The following PTPRQ variants were observed in gnomAD, a reference collection of about 807,000 sequenced individuals.
PTPRQ encodes the protein phosphatidylinositol phosphatase PTPRQ.
PTPRQ carries 199 observed loss-of-function variants against 246.0 expected under a neutral mutation model. The ratio of observed to expected loss-of-function variants is 0.81; its 90% confidence interval spans 0.72 to 0.91. The LOEUF is 0.91. Among genes scored for constraint, PTPRQ ranks in the 40% least tolerant of loss-of-function variants. The pLI is 0.00. For missense variants in PTPRQ, 2,624 were observed against 2,528.4 expected (o/e 1.04, Z -0.81); for synonymous variants, 869 against 853.2 (o/e 1.02, Z -0.32).
chr12:80,602,290 C>T (rs1227542154), intron 26 of PTPRQ, among the ~76,000 whole-genome samples: 5 of 151,702 alleles, frequency 3.3e-5, no homozygotes, highest in Admixed American at 3.3e-4. Flanking sequence ...GAGTTGTGCA[C>T]CTAAATTCCA....
chr12:80,607,704 A>G (rs1231910715), intron 27 of PTPRQ, among the ~76,000 whole-genome samples: 1 of 150,946 alleles, frequency 6.6e-6, no homozygotes, highest in Non-Finnish European at 1.5e-5. Context: ...CCTGTCTTCT[A>G]CAAAATACTA....
In PTPRQ at chr12:80,609,173, TA is replaced by T. The variant is rs1195276804; in HGVS notation, c.4732-1257del. Among the ~76,000 whole-genome samples, 9 of 149,906 alleles carry T rather than the reference TA, an allele frequency of 6.0e-5. No homozygotes were observed. In the East Asian group the frequency reaches 7.8e-4, roughly 13 times the overall value. On this transcript the variant is annotated intron_variant, in intron 27 of 44. Transcript: ENST00000644991. ...TTTTTTTATAGCAACATCTTTTTTT[TA>T]AAAAAAAATTGAGTTAATTTTATTT...
chr12:80,566,525 C>T (rs1012659795), intron 25 of PTPRQ, among the ~76,000 whole-genome samples: 10 of 152,006 alleles, frequency 6.6e-5, no homozygotes, highest in South Asian at 2.1e-4. Flanking sequence ...ATTAAAATAA[C>T]GCTACTTTTG....
At chr12:80,466,490 G>A (rs1030331958) in intron 6 of PTPRQ, among the ~76,000 whole-genome samples, 2 of 152,142 alleles carry the variant, frequency 1.3e-5, no homozygotes, top group African/African-American at 4.8e-5. Flanking sequence ...TTTCTTCACA[G>A]AATTGGAAAA....
chr12:80,591,730 A>G (rs1175412837), intron 26 of PTPRQ, among the ~76,000 whole-genome samples: 2 of 152,180 alleles, frequency 1.3e-5, no homozygotes, highest in Non-Finnish European at 2.9e-5. Context: ...AACAAAACCA[A>G]ATACATCAGT....
At chr12:80,641,870 T>TCTCTCTCTCTCTTG (rs1474831892) in intron 35 of PTPRQ, among the ~76,000 whole-genome samples, 2 of 151,910 alleles carry the variant, frequency 1.3e-5, no homozygotes, top group African/African-American at 2.4e-5. Context: ...TCTCACTCTC[T>TCTCTCTCTCTCTTG]CTCTCTCTCT....
Position 80,493,266 on chromosome 12 carries a change from T to A in PTPRQ, c.1360-9T>A. The A allele has an allele frequency of 6.9e-7, 1 of 1,448,258 alleles. No individual in the cohort carries two copies. Among genetic ancestry groups the A allele is most frequent in the African/African-American group, 1.4e-5 (1 of 69,204 alleles). 89.7% of individuals were successfully genotyped at this position (1,448,258 alleles called of 1,614,324 possible). A position where few individuals can be genotyped will look rare whatever the true frequency, so the allele number is the denominator to read the frequency against. ...CACAGTCTTTTAAAATATCTACTTT[T>A]AATTACAGTATATAAATGACCCCAT... On this transcript the variant is annotated splice_polypyrimidine_tract_variant and intron_variant, in intron 9 of 44. Transcript: ENST00000644991.
chr12:80,487,709 A>G (rs1426647633), intron 9 of PTPRQ, among the ~76,000 whole-genome samples: 2 of 152,122 alleles, frequency 1.3e-5, no homozygotes, highest in Admixed American at 6.6e-5. Flanking sequence ...TGTGACTTGC[A>G]TATGTCTTTA....
In PTPRQ at chr12:80,594,800, A is replaced by G. The variant is rs138926514; in HGVS notation, c.4609+6348A>G. ...TTTATTTTTCTTTTCAAGTGTCTCTAAATCCAGACTTTTACATTTATCTCT... is the reference window on the plus strand; with the variant it reads ...TTTATTTTTCTTTTCAAGTGTCTCTGAATCCAGACTTTTACATTTATCTCT... On this transcript the variant is annotated intron_variant, in intron 26 of 44. Transcript: ENST00000644991. Among the ~76,000 whole-genome samples the G allele has an allele frequency of 1.4e-3, 216 of 152,232 alleles. 1 individual carries two copies. The highest frequency in any genetic ancestry group is 2.6e-3 in the Non-Finnish European group (177 of 68,014).
At chr12:80,615,540 T>G (rs183587812) in intron 29 of PTPRQ, among the ~76,000 whole-genome samples, 34 of 151,270 alleles carry the variant, frequency 2.2e-4, no homozygotes, top group African/African-American at 8.2e-4. Context: ...TTCACGTTTG[T>G]GTAAATCACC....
intron 41 of PTPRQ, 139 bp from the exon 42 acceptor site, chr12:80,670,205 G>GAAATATTTCATTATA: frequency 8.0e-7 from 1 of 1,244,314 alleles, no homozygotes; most frequent in Admixed American, 2.9e-5. Context: ...TCTCTTATAG[G>GAAATATTTCATTATA]AAATAATGAA....
At chr12:80,615,891 T>C (rs779469761) in intron 29 of PTPRQ, among the ~76,000 whole-genome samples, 16 of 151,004 alleles carry the variant, frequency 1.1e-4, no homozygotes, top group Admixed American at 2.0e-4. Flanking sequence ...GTCTCAGTGA[T>C]AGGGCTGTTT....
At chr12:80,453,341 C>T (rs535438357) in intron 3 of PTPRQ, among the ~76,000 whole-genome samples, 4 of 152,008 alleles carry the variant, frequency 2.6e-5, no homozygotes, top group Admixed American at 2.0e-4. Context: ...GTAGTTTGAT[C>T]GTCCGAAGCC....
chr12:80,616,049 A>C, intron 29 of PTPRQ, 151 bp from the exon 30 acceptor site: 1 of 385,368 alleles, frequency 2.6e-6, no homozygotes, highest in Non-Finnish European at 3.8e-6. Flanking sequence ...TTAAAGAATT[A>C]TTTAAAATTA....
chr12:80,541,911 A>T (rs1314587015), intron 21 of PTPRQ, 66 bp downstream of exon 21: 34 of 1,470,936 alleles, frequency 2.3e-5, no homozygotes, highest in Non-Finnish European at 3.0e-5. Context: ...TTGCTTTCTG[A>T]TAGGAAATAG....
chr12:80,484,297 G>T, intron 8 of PTPRQ, 136 bp from the exon 9 acceptor site: 1 of 1,110,876 alleles, frequency 9.0e-7, no homozygotes, highest in South Asian at 1.7e-5. Context: ...ATGAGCCACC[G>T]CACCTAGCCT....
intron 25 of PTPRQ, among the ~76,000 whole-genome samples, chr12:80,583,197 T>C (rs1445876317): frequency 1.3e-5 from 2 of 152,226 alleles, no homozygotes; most frequent in African/African-American, 4.8e-5. Context: ...CTCGATTCAT[T>C]TGCTCACACA....
chr12:80,623,198 G>A (rs1899061451), intron 33 of PTPRQ, among the ~76,000 whole-genome samples: 2 of 152,044 alleles, frequency 1.3e-5, no homozygotes, highest in South Asian at 4.1e-4. Context: ...ACCATTTTTA[G>A]CCAGAAATTC....
chr12:80,578,433 C>CG (rs1275062003), intron 25 of PTPRQ, among the ~76,000 whole-genome samples: 1 of 151,814 alleles, frequency 6.6e-6, no homozygotes, highest in East Asian at 1.9e-4. Flanking sequence ...CTCTGTCGCC[C>CG]GGGCTGGAGT....
Sources: allele counts gnomAD v4.1 joint callset (sites outside exome capture counted in the v4.1 genomes callset), GRCh38; gene constraint gnomAD v4.1.1; transcripts MANE v1.5; gene names NCBI Gene and HGNC (gene_info 2026-07-23, HGNC 2026-07-21).